Variants in PDE4D observed in about 807,000 individuals in gnomAD.
PDE4D encodes 3',5'-cyclic-AMP phosphodiesterase 4D.
Under a neutral mutation model 87.4 loss-of-function variants are expected in PDE4D, and 24 were observed. That is an observed-to-expected ratio of 0.27 (90% CI 0.20 to 0.39). The LOEUF (loss-of-function observed/expected upper bound fraction) is 0.39. Ranked by LOEUF, PDE4D falls within the 10% of genes least tolerant of loss-of-function variation. PDE4D has a pLI of 1.00. For synonymous variants in PDE4D, 384 were observed against 383.2 expected (o/e 1.00, Z -0.02); for missense variants, 714 against 1,041.0 (o/e 0.69, Z 4.32).
intron 2 of PDE4D, among the ~76,000 whole-genome samples, chr5:60,032,350 C>A (rs1273678860): frequency 1.3e-5 from 2 of 152,084 alleles, no homozygotes; most frequent in African/African-American, 4.8e-5. Flanking sequence ...GTAAAATTAG[C>A]CATACAACTT....
intron 3 of PDE4D, among the ~76,000 whole-genome samples, chr5:59,941,367 A>T (rs1163461258): frequency 6.6e-6 from 1 of 152,142 alleles, no homozygotes; most frequent in East Asian, 1.9e-4. Flanking sequence ...CACTAATACA[A>T]TCGAATTGTG....
chr5:59,985,022 T>C lies in PDE4D; in HGVS notation c.272+3466A>G, dbSNP rs550538687. Among the ~76,000 whole-genome samples, 7 of 151,818 alleles carry C rather than the reference T, an allele frequency of 4.6e-5. No homozygotes were observed. The East Asian group carries it at 1.4e-3, about 30-fold the overall frequency. On this transcript the variant is annotated intron_variant, in intron 3 of 16. Coordinates refer to the PDE4D transcript ENST00000502484. ...TGGGCTGGAGACAACTCAGTTAAAA[T>C]AGGCTAAATTTCCCATTAGCTCTTT...
intron 1 of PDE4D, among the ~76,000 whole-genome samples, chr5:59,322,408 A>G (rs17724250): frequency 0.064 from 9,750 of 152,128 alleles, 421 homozygotes; most frequent in South Asian, 0.12. Context: ...AAGCAACCCA[A>G]TGAGTAGTTT....
At position 59,871,660 on chromosome 5, in the gene PDE4D, C is replaced by A. The variant is rs150539323; in HGVS notation, c.455+21508G>T. Among the ~76,000 whole-genome samples the A allele has an allele frequency of 6.4e-3, 974 of 152,252 alleles. 5 individuals carry two copies. The highest frequency in any genetic ancestry group is 0.011 in the Non-Finnish European group (750 of 68,014). On this transcript the variant is annotated intron_variant, in intron 1 of 14. Coordinates refer to ENST00000340635, the MANE Select transcript of PDE4D (RefSeq NM_001104631.2). ...AAATCAATGGGTATTGACAAACACA[C>A]AAATACACAAATGTATACATCCATA...
intron 1 of PDE4D, among the ~76,000 whole-genome samples, chr5:59,713,127 C>G (rs1319082293): frequency 6.6e-6 from 1 of 151,824 alleles, no homozygotes; most frequent in East Asian, 1.9e-4. Flanking sequence ...GGAAAAAAAA[C>G]AATAAGTGAA....
intron 1 of PDE4D, among the ~76,000 whole-genome samples, chr5:59,840,685 G>A (rs1318834771): frequency 6.6e-6 from 1 of 152,056 alleles, no homozygotes; most frequent in Non-Finnish European, 1.5e-5. Context: ...AGGGTGTGGT[G>A]AGGTCAGAGG....
chr5:60,373,995 T>C (rs1280240712), intron 1 of PDE4D, among the ~76,000 whole-genome samples: 2 of 152,154 alleles, frequency 1.3e-5, no homozygotes, highest in Non-Finnish European at 2.9e-5. Context: ...AGTTGATTGA[T>C]GAACTTATTC....
At chr5:59,062,458 A>C (rs1372476121) in intron 5 of PDE4D, among the ~76,000 whole-genome samples, 1 of 152,174 alleles carries the variant, frequency 6.6e-6, no homozygotes, top group Non-Finnish European at 1.5e-5. Flanking sequence ...AAAGGTATAA[A>C]TAAGTCATGC....
At chr5:59,262,952 A>G (rs1364010927) in intron 1 of PDE4D, among the ~76,000 whole-genome samples, 2 of 151,866 alleles carry the variant, frequency 1.3e-5, no homozygotes, top group Non-Finnish European at 2.9e-5. Flanking sequence ...GAAACACAGG[A>G]GGCAATGGAA....
chr5:59,971,582 G>T (rs1263735483), intron 3 of PDE4D, among the ~76,000 whole-genome samples: 1 of 152,014 alleles, frequency 6.6e-6, no homozygotes, highest in African/African-American at 2.4e-5. Flanking sequence ...CAGTCAAAAG[G>T]GAATAATTGC....
intron 1 of PDE4D, among the ~76,000 whole-genome samples, chr5:59,364,738 T>C (rs190057972): frequency 3.3e-5 from 5 of 152,308 alleles, no homozygotes; most frequent in East Asian, 1.9e-4. Context: ...CTAAAAGATA[T>C]AGACTAGTAA....
intron 1 of PDE4D, among the ~76,000 whole-genome samples, chr5:59,719,422 T>C (rs1376792958): frequency 4.6e-5 from 7 of 152,172 alleles, no homozygotes; most frequent in Non-Finnish European, 1.0e-4. Context: ...ATGAAGTACT[T>C]GGGAACTAAT....
At position 59,758,856 on chromosome 5, in the gene PDE4D, T is replaced by C. The variant is rs1190946256; in HGVS notation, c.455+134312A>G. Among the ~76,000 whole-genome samples, 5 of 152,160 alleles carry C rather than the reference T, an allele frequency of 3.3e-5. No individual in the cohort carries two copies. In the East Asian group the frequency reaches 9.6e-4, roughly 29 times the overall value. On this transcript the variant is annotated intron_variant, in intron 1 of 14. Coordinates refer to ENST00000340635, the MANE Select transcript of PDE4D (RefSeq NM_001104631.2). ...AAATAGACTGTAGTTTGTTATCACT[T>C]TGTAAATTTAATTAGTCATTACTTT...
chr5:59,647,120 C>T (rs1428797387), intron 1 of PDE4D, among the ~76,000 whole-genome samples: 2 of 152,140 alleles, frequency 1.3e-5, no homozygotes, highest in South Asian at 4.1e-4. Context: ...CTACAAAATG[C>T]ACATAATCTG....
At chr5:60,520,789 G>A (rs543114312) in intron 1 of PDE4D, among the ~76,000 whole-genome samples, 1 of 152,202 alleles carries the variant, frequency 6.6e-6, no homozygotes, top group African/African-American at 2.4e-5. Flanking sequence ...TTCCCATCAG[G>A]AAAGTCTGGT....
At chr5:59,203,223 C>T (rs1412963299) in intron 2 of PDE4D, among the ~76,000 whole-genome samples, 1 of 151,848 alleles carries the variant, frequency 6.6e-6, no homozygotes, top group Non-Finnish European at 1.5e-5. Context: ...AAAAGGTCAA[C>T]AGGTATATGT....
intron 1 of PDE4D, among the ~76,000 whole-genome samples, chr5:60,441,498 A>G (rs1048718893): frequency 7.9e-5 from 12 of 152,324 alleles, no homozygotes; most frequent in Middle Eastern, 6.8e-3. Flanking sequence ...AAGAAAACCT[A>G]GGCAATACCA....
At chr5:59,477,369 A>T (rs1345408765) in intron 1 of PDE4D, among the ~76,000 whole-genome samples, 66 of 138,594 alleles carry the variant, frequency 4.8e-4, no homozygotes, top group African/African-American at 1.5e-3. Flanking sequence ...AAAAAAAAAA[A>T]AAAAATTAAA....
At chr5:60,237,904 G>A (rs1583174898) in intron 1 of PDE4D, among the ~76,000 whole-genome samples, 1 of 151,898 alleles carries the variant, frequency 6.6e-6, no homozygotes, top group East Asian at 1.9e-4. Flanking sequence ...CAAATAAAAT[G>A]TTGGGGAAAA....
Sources: gnomAD v4.1 joint callset for allele counts (sites outside exome capture counted in the v4.1 genomes callset) on GRCh38, gnomAD v4.1.1 for gene constraint, MANE v1.5 for transcripts, NCBI Gene and HGNC (gene_info 2026-07-23, HGNC 2026-07-21) for gene names.